The following TMEM64 variants were observed in gnomAD, a reference collection of about 807,000 sequenced individuals.
The protein encoded by TMEM64 is transmembrane protein 64.
A neutral mutation model predicts 24.5 loss-of-function variants in TMEM64; 19 were observed. The ratio of observed to expected loss-of-function variants is 0.78; its 90% CI spans 0.54 to 1.14. The LOEUF (loss-of-function observed/expected upper bound fraction) is 1.14. TMEM64 is among the 50% of genes most tolerant of loss of function. The pLI, the probability that TMEM64 is intolerant of heterozygous loss-of-function variation, is 0.00. For synonymous variants in TMEM64, 262 were observed against 224.7 expected, an observed-to-expected ratio of 1.17 and a Z score of -1.49; for missense variants, 487 against 493.0, an observed-to-expected ratio of 0.99 and a Z score of 0.12.
chr8:90,632,392 A>G (rs1809452880), intron 1 of TMEM64, among the ~76,000 whole-genome samples: 3 of 152,040 alleles, frequency 2.0e-5, no homozygotes, highest in Non-Finnish European at 1.5e-5. Context: ...GCCCCATCTC[A>G]GCTCACTGCA....
chr8:90,622,719 C>T lies in TMEM64; in HGVS notation c.*2952G>A, dbSNP rs1184763234. ...AGGGGAAATAAGAGTAACTAATGAA[C>T]TTAATAGCTTCACAAGAAAAATGTT... On this transcript the variant is annotated 3_prime_UTR_variant, in exon 3 of 3. Transcript: ENST00000458549. The T allele has an allele frequency of 6.6e-6, 1 of 152,196 alleles. No individual in the cohort carries two copies. Among genetic ancestry groups the T allele is most frequent in the African/African-American group, 2.4e-5 (1 of 41,440 alleles). 9.4% of individuals were successfully genotyped at this position (152,196 alleles called of 1,614,324 possible).
intron 1 of TMEM64, among the ~76,000 whole-genome samples, chr8:90,638,485 A>ATAC (rs1410419176): frequency 6.6e-6 from 1 of 152,152 alleles, no homozygotes; most frequent in Non-Finnish European, 1.5e-5. Flanking sequence ...ACAGAACACT[A>ATAC]TACTTCCCTG....
chr8:90,643,530 A>C (rs1271307022), intron 1 of TMEM64, among the ~76,000 whole-genome samples: 1 of 152,220 alleles, frequency 6.6e-6, no homozygotes, highest in African/African-American at 2.4e-5. Flanking sequence ...TAACTTCTGC[A>C]GGGCTGGTTT....
At chr8:90,630,554 C>A (rs1002291217) in intron 2 of TMEM64, among the ~76,000 whole-genome samples, 1 of 152,104 alleles carries the variant, frequency 6.6e-6, no homozygotes, top group Non-Finnish European at 1.5e-5. Context: ...GGATCAGAGA[C>A]AGGGGGCTTG....
intron 1 of TMEM64, among the ~76,000 whole-genome samples, chr8:90,633,363 AGAT>A (rs1429015898): frequency 6.6e-6 from 1 of 152,218 alleles, no homozygotes; most frequent in African/African-American, 2.4e-5. Context: ...TCAAGCCTTA[AGAT>A]GATGCAGCCC....
rs2130492895 is a variant in TMEM64 at position 90,625,412 on chromosome 8, CAATT to C, written c.*255_*258del. 1 of 315,666 alleles carries C rather than the reference CAATT, an allele frequency of 3.2e-6. No homozygotes were observed. Among genetic ancestry groups the C allele is most frequent in the South Asian group, 1.2e-4 (1 of 8,202 alleles). 19.6% of individuals were successfully genotyped at this position (315,666 alleles called of 1,614,324 possible). ...TGTTCGTAAATACACAGAAATAAAA[CAATT>C]AAAAAACACTAAAGTGCAGACCTAT... On this transcript the variant is annotated 3_prime_UTR_variant, in exon 3 of 3. Coordinates refer to ENST00000458549, the MANE Select transcript of TMEM64 (RefSeq NM_001008495.4).
At chr8:90,632,076 G>A (rs986807770) in intron 1 of TMEM64, among the ~76,000 whole-genome samples, 1 of 152,160 alleles carries the variant, frequency 6.6e-6, no homozygotes, top group African/African-American at 2.4e-5. Context: ...TGGTCGCTGA[G>A]CTTTGAAGCC....
intron 1 of TMEM64, among the ~76,000 whole-genome samples, chr8:90,644,597 T>C (rs1809658314): frequency 6.6e-6 from 1 of 152,220 alleles, no homozygotes. Flanking sequence ...AAAGCACAAT[T>C]ACTTGAAGAA....
In TMEM64 at chr8:90,626,857, T is replaced by C. The variant is rs1809368483; in HGVS notation, c.952-995A>G. 1.3e-5 allele frequency among the ~76,000 whole-genome samples: 2 copies of C among 152,130 alleles called. 1 individual carries two copies. The highest frequency in any genetic ancestry group is 4.1e-4 in the South Asian group (2 of 4,824). On this transcript the variant is annotated intron_variant, in intron 2 of 2. Transcript: ENST00000458549. ...GTTGGCCAGGCTGGTCTCAAACTCCTGACCTCATGATCTGCCTGCCTCAGC... is the reference window on the plus strand; with the variant it reads ...GTTGGCCAGGCTGGTCTCAAACTCCCGACCTCATGATCTGCCTGCCTCAGC...
rs1443631589 is a variant in TMEM64, at chr8:90,623,279, G to A, written c.*2392C>T. 6.6e-6 allele frequency: 1 copy of A among 152,086 alleles called. No homozygotes were observed. Among genetic ancestry groups the A allele is most frequent in the East Asian group, 1.9e-4 (1 of 5,194 alleles). The allele number at this position is 152,086 out of a possible 1,614,324, so 9.4% of individuals were successfully genotyped here. A position where few individuals can be genotyped will look rare whatever the true frequency, so the allele number is the denominator to read the frequency against. On this transcript the variant is annotated 3_prime_UTR_variant, in exon 3 of 3. Coordinates refer to ENST00000458549, the MANE Select transcript of TMEM64 (RefSeq NM_001008495.4). ...ATTTTATAAGTACATATGACTGACA[G>A]CAATATTTGGACAACATAAAAGTAT...
At position 90,645,853 on chromosome 8, in the gene TMEM64, T is replaced by C; in HGVS notation, c.53A>G (p.His18Arg). 3.5e-6 allele frequency: 4 copies of C among 1,127,418 alleles called. No individual in the cohort carries two copies. The highest frequency in any genetic ancestry group is 4.3e-6 in the Non-Finnish European group (4 of 921,490). The allele number at this position is 1,127,418 out of a possible 1,614,324, so 69.8% of individuals were successfully genotyped here. ...LLQALPRLLQ[H>R]AALPGLAELP... ...CTCGGCGAGGCCCGGGAGGGCGGCGTGCTGCAGCAGCCGGGGCAGCGCCTG... is the reference window on the plus strand; with the variant it reads ...CTCGGCGAGGCCCGGGAGGGCGGCGCGCTGCAGCAGCCGGGGCAGCGCCTG... Residue 18 changes from histidine to arginine, a missense_variant, in exon 1 of 3, where the codon CAC becomes CGC. This residue lies in a region of TMEM64 where 419 missense variants were observed against 407.5 expected (regional missense o/e 1.03). Transcript: ENST00000458549. The surrounding 1 kb of genome is among the most constrained non-coding windows in gnomAD (Gnocchi z 4.2).
intron 1 of TMEM64, among the ~76,000 whole-genome samples, chr8:90,637,571 C>T (rs1809542984): frequency 6.6e-6 from 1 of 151,724 alleles, no homozygotes; most frequent in African/African-American, 2.4e-5. Flanking sequence ...TTATAAATTC[C>T]AATTAAAATA....
intron 1 of TMEM64, among the ~76,000 whole-genome samples, chr8:90,638,747 G>T (rs1809559545): frequency 6.6e-6 from 1 of 152,144 alleles, no homozygotes; most frequent in Non-Finnish European, 1.5e-5. Flanking sequence ...AAACAAGTTG[G>T]AATGCAATGT....
At chr8:90,627,517 A>G (rs1221013527) in intron 2 of TMEM64, among the ~76,000 whole-genome samples, 2 of 152,170 alleles carry the variant, frequency 1.3e-5, no homozygotes, top group Non-Finnish European at 2.9e-5. Context: ...TGTTTAAGAC[A>G]TGCTGAATTC....
rs976582248 is a variant in TMEM64, at chr8:90,622,723, A to G, written c.*2948T>C. Reference sequence around the variant, plus strand: ...GAAATAAGAGTAACTAATGAACTTAATAGCTTCACAAGAAAAATGTTTTAT... The same window carrying G: ...GAAATAAGAGTAACTAATGAACTTAGTAGCTTCACAAGAAAAATGTTTTAT... On this transcript the variant is annotated 3_prime_UTR_variant, in exon 3 of 3. Transcript: ENST00000458549. 5.3e-5 allele frequency: 8 copies of G among 152,246 alleles called. No homozygotes were observed. The highest frequency in any genetic ancestry group is 2.0e-4 in the Admixed American group (3 of 15,288). 9.4% of individuals were successfully genotyped at this position (152,246 alleles called of 1,614,324 possible).
At position 90,622,858 on chromosome 8, in the gene TMEM64, T is replaced by A. The variant is rs1198392012; in HGVS notation, c.*2813A>T. 1 of 152,200 alleles carries A rather than the reference T, an allele frequency of 6.6e-6. No individual in the cohort carries two copies. The highest frequency in any genetic ancestry group is 1.5e-5 in the Non-Finnish European group (1 of 68,026). 9.4% of individuals were successfully genotyped at this position (152,200 alleles called of 1,614,324 possible). On this transcript the variant is annotated 3_prime_UTR_variant, in exon 3 of 3. Transcript: ENST00000458549. ...GGCTCTGAATAAACCCACAGTCACT[T>A]CTGAACATAAAGTACACATTCTAAT...
chr8:90,642,321 C>T (rs16893366), intron 1 of TMEM64, among the ~76,000 whole-genome samples: 22,098 of 152,064 alleles, frequency 0.15, 3,155 homozygotes, highest in African/African-American at 0.37. Context: ...AAAGCCTGGG[C>T]CTCACATGAC....
chr8:90,645,784 C>T lies in TMEM64; in HGVS notation c.122G>A (p.Gly41Asp). 2.0e-6 allele frequency: 2 copies of T among 1,015,694 alleles called. No individual in the cohort carries two copies. Among genetic ancestry groups the T allele is most frequent in the Non-Finnish European group, 2.3e-6 (2 of 851,622 alleles). The allele number at this position is 1,015,694 out of a possible 1,614,324, so 62.9% of individuals were successfully genotyped here. A position where few individuals can be genotyped will look rare whatever the true frequency, so the allele number is the denominator to read the frequency against. Reference protein sequence around the residue: ...WALPRGAGGDGPADRLPRGGG... With the variant: ...WALPRGAGGDDPADRLPRGGG... ...CCCGCGGGGAAGGCGGTCCGCCGGG[C>T]CGTCCCCGCCCGCACCCCGCGGCAG... Residue 41 changes from glycine to aspartate, a missense_variant, in exon 1 of 3, where the codon GGC becomes GAC. Physicochemically the swap from Gly to Asp is moderately conservative, Grantham distance 94. This residue lies in a region of TMEM64 where 419 missense variants were observed against 407.5 expected (regional missense o/e 1.03). Coordinates refer to ENST00000458549, the MANE Select transcript of TMEM64 (RefSeq NM_001008495.4). The surrounding 1 kb of genome is among the most constrained non-coding windows in gnomAD (Gnocchi z 4.2).
At position 90,645,663 on chromosome 8, in the gene TMEM64, C is replaced by A; in HGVS notation, c.243G>T (p.Leu81=). ...CCGCCAAGGCCCCGCCCGGCTCCGG[C>A]AGCTCCGAAGCCTCGGGCGGACCGT... ...ERHGPPEASE[L]PEPGGALAGG... Residue 81 remains leucine (L), a synonymous_variant, in exon 1 of 3, where the codon CTG becomes CTT. Transcript: ENST00000458549. This position sits in a 1 kb window ranked among gnomAD's most constrained non-coding sequence, Gnocchi z 4.2. 1 of 1,524,398 alleles carries A rather than the reference C, an allele frequency of 6.6e-7. No homozygotes were observed. Among genetic ancestry groups the A allele is most frequent in the Non-Finnish European group, 8.8e-7 (1 of 1,141,472 alleles). 94.4% of individuals were successfully genotyped at this position (1,524,398 alleles called of 1,614,324 possible). A position where few individuals can be genotyped will look rare whatever the true frequency, so the allele number is the denominator to read the frequency against.
Sources: allele counts gnomAD v4.1 joint callset (sites outside exome capture counted in the v4.1 genomes callset), GRCh38; gene constraint gnomAD v4.1.1; regional missense constraint gnomAD v4.1.1; non-coding constraint Gnocchi (gnomAD v3.1); transcripts MANE v1.5; gene names NCBI Gene and HGNC (gene_info 2026-07-23, HGNC 2026-07-21).